Variants in SGCZ observed in about 807,000 individuals in gnomAD.
SGCZ encodes sarcoglycan zeta, also known as zeta-sarcoglycan.
SGCZ carries 40 observed loss-of-function variants against 41.3 expected under a neutral mutation model. That is an observed-to-expected ratio of 0.97 (90% CI 0.75 to 1.26). SGCZ has a LOEUF of 1.26. Ranked by LOEUF, SGCZ falls within the 50% of genes most tolerant of loss-of-function variation. The pLI is 0.00. For synonymous variants in SGCZ, 206 were observed against 137.5 expected, an observed-to-expected ratio of 1.50 and a Z score of -3.49; for missense variants, 552 against 369.8, an observed-to-expected ratio of 1.49 and a Z score of -4.04.
At chr8:15,010,195 T>C (rs971530933) in intron 1 of SGCZ, among the ~76,000 whole-genome samples, 14 of 152,196 alleles carry the variant, frequency 9.2e-5, no homozygotes, top group African/African-American at 3.1e-4. Context: ...TAAACATTTG[T>C]TTTACATATA....
At chr8:15,111,686 G>A (rs1173622093) in intron 1 of SGCZ, among the ~76,000 whole-genome samples, 1 of 152,138 alleles carries the variant, frequency 6.6e-6, no homozygotes, top group Non-Finnish European at 1.5e-5. Flanking sequence ...CGGATCACGA[G>A]GTCAAGAGAT....
chr8:14,158,435 G>C (rs1023777652), intron 5 of SGCZ, among the ~76,000 whole-genome samples: 2 of 152,128 alleles, frequency 1.3e-5, no homozygotes, highest in South Asian at 2.1e-4. Flanking sequence ...AAGCTGACTA[G>C]ATGGTGCCCA....
intron 2 of SGCZ, among the ~76,000 whole-genome samples, chr8:14,392,219 T>A (rs1462304678): frequency 2.0e-5 from 3 of 152,214 alleles, no homozygotes; most frequent in Non-Finnish European, 4.4e-5. Flanking sequence ...TACTCACACT[T>A]CATTCTATTT....
At chr8:14,197,581 G>A (rs538410744) in intron 4 of SGCZ, among the ~76,000 whole-genome samples, 5 of 151,802 alleles carry the variant, frequency 3.3e-5, no homozygotes, top group African/African-American at 1.2e-4. Context: ...TTAGTACCTA[G>A]AGAAAAAGCT....
At chr8:14,146,506 C>A (rs1803524511) in intron 5 of SGCZ, among the ~76,000 whole-genome samples, 1 of 152,128 alleles carries the variant, frequency 6.6e-6, no homozygotes, top group African/African-American at 2.4e-5. Context: ...AGGTATACAA[C>A]TCACTGGCCA....
intron 1 of SGCZ, among the ~76,000 whole-genome samples, chr8:14,629,704 G>T (rs1806583249): frequency 6.9e-6 from 1 of 145,376 alleles, no homozygotes; most frequent in Non-Finnish European, 1.5e-5. Flanking sequence ...AATGGGATGT[G>T]TCTGGTCTAT....
chr8:14,811,949 C>T (rs909885087), intron 1 of SGCZ, among the ~76,000 whole-genome samples: 3 of 151,686 alleles, frequency 2.0e-5, no homozygotes, highest in African/African-American at 7.3e-5. Flanking sequence ...ATTAATTATC[C>T]TGAGCTGGAG....
chr8:15,136,981 G>A (rs1264986026), intron 1 of SGCZ, among the ~76,000 whole-genome samples: 2 of 152,142 alleles, frequency 1.3e-5, no homozygotes, highest in Non-Finnish European at 2.9e-5. Context: ...GGAAAGTTTG[G>A]AACTTCTTAG....
chr8:14,456,968 C>T (rs1800763787), intron 2 of SGCZ, among the ~76,000 whole-genome samples: 2 of 152,164 alleles, frequency 1.3e-5, no homozygotes, highest in Admixed American at 1.3e-4. Context: ...TGATTGTAAG[C>T]CTTGTGAGGC....
intron 5 of SGCZ, among the ~76,000 whole-genome samples, chr8:14,119,501 C>T (rs930288811): frequency 6.6e-6 from 1 of 152,144 alleles, no homozygotes; most frequent in Non-Finnish European, 1.5e-5. Flanking sequence ...ATCATGACAT[C>T]TGCAAACAGA....
intron 4 of SGCZ, among the ~76,000 whole-genome samples, chr8:14,203,930 T>C (rs1805535628): frequency 6.6e-6 from 1 of 150,806 alleles, no homozygotes; most frequent in African/African-American, 2.4e-5. Context: ...TATTCATAAA[T>C]ATATGGAGAG....
intron 1 of SGCZ, among the ~76,000 whole-genome samples, chr8:15,010,890 A>G (rs1802803048): frequency 6.6e-6 from 1 of 152,170 alleles, no homozygotes; most frequent in South Asian, 2.1e-4. Flanking sequence ...TGCTCCCTAT[A>G]CATTGTAATC....
At chr8:14,390,116 C>T (rs949913769) in intron 2 of SGCZ, among the ~76,000 whole-genome samples, 1 of 151,784 alleles carries the variant, frequency 6.6e-6, no homozygotes, top group Non-Finnish European at 1.5e-5. Context: ...AATAAAAATT[C>T]CATTCCCAGG....
intron 2 of SGCZ, among the ~76,000 whole-genome samples, chr8:14,515,382 T>C (rs555692038): frequency 6.6e-6 from 1 of 152,224 alleles, no homozygotes; most frequent in Non-Finnish European, 1.5e-5. Flanking sequence ...AAAGTTTCAA[T>C]AGCAGGAGGG....
intron 1 of SGCZ, among the ~76,000 whole-genome samples, chr8:14,791,987 G>A (rs1033851878): frequency 6.6e-6 from 1 of 152,054 alleles, no homozygotes; most frequent in Non-Finnish European, 1.5e-5. Context: ...TGTAAATAAT[G>A]ATGTAATCCA....
chr8:14,381,718 C>T (rs1021034110), intron 2 of SGCZ, among the ~76,000 whole-genome samples: 4 of 151,318 alleles, frequency 2.6e-5, no homozygotes, highest in Non-Finnish European at 4.4e-5. Flanking sequence ...CCCAGGAGGT[C>T]GAGGCTGCAG....
At position 14,601,999 on chromosome 8, in the gene SGCZ, A is replaced by G. The variant is rs1275093309; in HGVS notation, c.40-47073T>C. Among the ~76,000 whole-genome samples the G allele has an allele frequency of 3.9e-5, 6 of 152,236 alleles. No individual in the cohort carries two copies. In the South Asian group the frequency reaches 8.3e-4, roughly 21 times the overall value. ...GCCGGGCCTGGTGGCGGGCGCCTGT[A>G]GTCCCAGCTACTCGGGAGGCTGAGG... is the stretch of plus-strand genomic sequence containing the variant. On this transcript the variant is annotated intron_variant, in intron 1 of 7. Transcript: ENST00000382080.
chr8:14,261,812 G>A (rs1799677860), intron 3 of SGCZ, among the ~76,000 whole-genome samples: 1 of 152,022 alleles, frequency 6.6e-6, no homozygotes. Flanking sequence ...TAACTCTTTA[G>A]GATATAGAAA....
chr8:14,962,754 A>C (rs535924517), intron 1 of SGCZ, among the ~76,000 whole-genome samples: 8 of 152,336 alleles, frequency 5.3e-5, no homozygotes, highest in African/African-American at 1.9e-4. Flanking sequence ...ATAAGGATCA[A>C]TGCAACAAAT....
Sources: gnomAD v4.1 joint callset for allele counts (sites outside exome capture counted in the v4.1 genomes callset) on GRCh38, gnomAD v4.1.1 for gene constraint, MANE v1.5 for transcripts, NCBI Gene and HGNC (gene_info 2026-07-23, HGNC 2026-07-21) for gene names.